Variants in MYO10 observed in about 807,000 individuals in gnomAD.
The protein encoded by MYO10 is unconventional myosin-X.
Under a neutral mutation model 257.3 loss-of-function variants are expected in MYO10, and 133 were observed. The ratio of observed to expected loss-of-function variants is 0.52; its 90% CI spans 0.45 to 0.60. The LOEUF (loss-of-function observed/expected upper bound fraction) is 0.60. MYO10 is among the 20% of genes least tolerant of loss of function. MYO10 has a pLI of 0.00. For missense variants in MYO10, 2,399 were observed against 2,635.7 expected (o/e 0.91, Z 1.97); for synonymous variants, 1,104 against 1,028.6 (o/e 1.07, Z -1.40).
chr5:16,754,355 G>T (rs1579952377), intron 19 of MYO10, among the ~76,000 whole-genome samples: 2 of 151,912 alleles, frequency 1.3e-5, no homozygotes, highest in African/African-American at 4.8e-5. Flanking sequence ...TTTCTAATTA[G>T]TTATAAACAA....
In MYO10 at chr5:16,701,460, TCTC is replaced by T. The variant is rs753008094; in HGVS notation, c.2932_2934del (p.Glu978del). ...GGCTGGCTGAAGTTGAAGTTGGGCT[TCTC>T]CTCGCATGCGCTCTCAGCCAGCTCG... On this transcript the variant is annotated inframe_deletion, in exon 25 of 41. Coordinates refer to ENST00000513610, the MANE Select transcript of MYO10 (RefSeq NM_012334.3). This position sits in a 1 kb window ranked among gnomAD's most constrained non-coding sequence, Gnocchi z 8.1. The T allele has an allele frequency of 3.7e-6, 6 of 1,613,798 alleles. No homozygotes were observed. Among genetic ancestry groups the T allele is most frequent in the South Asian group, 1.1e-5 (1 of 91,076 alleles).
chr5:16,672,155 C>T (rs1239895111), intron 37 of MYO10, among the ~76,000 whole-genome samples: 4 of 151,928 alleles, frequency 2.6e-5, no homozygotes, highest in South Asian at 4.2e-4. Flanking sequence ...ATTAGCTGGG[C>T]GTGGTAGTAC....
At chr5:16,686,574 G>C (rs1219377724) in intron 28 of MYO10, among the ~76,000 whole-genome samples, 1 of 151,312 alleles carries the variant, frequency 6.6e-6, no homozygotes, top group East Asian at 1.9e-4. Flanking sequence ...GTGTCTTCTT[G>C]CCCAAGCTGG....
intron 2 of MYO10, among the ~76,000 whole-genome samples, chr5:16,852,179 G>T (rs189605942): frequency 1.8e-3 from 268 of 148,774 alleles, no homozygotes; most frequent in African/African-American, 6.3e-3. Flanking sequence ...CCAGTAAAAA[G>T]ACTGTGTATA....
chr5:16,794,786 G>A lies in MYO10; in HGVS notation c.327C>T (p.Ile109=), dbSNP rs746798542. The A allele has an allele frequency of 2.1e-5, 34 of 1,600,100 alleles. No individual in the cohort carries two copies. The East Asian group carries it at 5.4e-4, about 26-fold the overall frequency. Residue 109 remains isoleucine, a synonymous_variant, in exon 4 of 41, where the codon ATC becomes ATT. Coordinates refer to ENST00000513610, the MANE Select transcript of MYO10 (RefSeq NM_012334.3). ...ILASVNPYQP[I]AGLYEPATME... ...TGGTGGCAGGCTCGTACAGCCCGGCGATGGGCTGGTAGGGGTTCACGGAGG... is the reference window on the plus strand; with the variant it reads ...TGGTGGCAGGCTCGTACAGCCCGGCAATGGGCTGGTAGGGGTTCACGGAGG...
chr5:16,815,836 A>C (rs1036329371), intron 3 of MYO10, among the ~76,000 whole-genome samples: 3 of 152,178 alleles, frequency 2.0e-5, no homozygotes, highest in East Asian at 1.9e-4. Flanking sequence ...CTCATGCAAA[A>C]CACAGAATGC....
In MYO10 at chr5:16,713,534, G is replaced by C. The variant is rs112099194; in HGVS notation, c.1930-2289C>G. 9.5e-5 allele frequency: 93 copies of C among 975,140 alleles called. 1 individual carries two copies. In the African/African-American group the frequency reaches 1.5e-3, roughly 16 times the overall value. The allele number at this position is 975,140 out of a possible 1,614,324, so 60.4% of individuals were successfully genotyped here. ...GGCTAATTAGTGTGGTGTGGTTGTA[G>C]GATTTGACACAGCCAGGGGAGGGGA... On this transcript the variant is annotated intron_variant, in intron 19 of 40. Coordinates refer to ENST00000513610, the MANE Select transcript of MYO10 (RefSeq NM_012334.3).
At chr5:16,787,879 C>T (rs990549649) in intron 4 of MYO10, among the ~76,000 whole-genome samples, 4 of 152,088 alleles carry the variant, frequency 2.6e-5, no homozygotes, top group African/African-American at 9.7e-5. Flanking sequence ...CTCACTGCAA[C>T]CACCACCTCC....
chr5:16,817,453 A>G (rs1204427159), intron 3 of MYO10, among the ~76,000 whole-genome samples: 2 of 152,212 alleles, frequency 1.3e-5, no homozygotes, highest in African/African-American at 2.4e-5. Flanking sequence ...CACATTTCAT[A>G]GAAGTTGAGA....
chr5:16,800,136 A>C (rs921516223), intron 3 of MYO10, among the ~76,000 whole-genome samples: 10 of 152,178 alleles, frequency 6.6e-5, no homozygotes, highest in Admixed American at 1.3e-4. Context: ...GTGGTTGCAC[A>C]CTTTTCCTAC....
intron 30 of MYO10, 103 bp from the exon 31 acceptor site, chr5:16,682,116 C>T (rs10064748): frequency 0.015 from 20,602 of 1,376,420 alleles, 579 homozygotes; most frequent in African/African-American, 0.12. Context: ...TTCTGGGTCA[C>T]GGGATATACA....
chr5:16,902,292 CCT>C, intron 1 of MYO10: 1 of 800,102 alleles, frequency 1.2e-6, no homozygotes, highest in South Asian at 1.3e-5. Flanking sequence ...GAACTCAGCT[CCT>C]TACATGGGCT....
At chr5:16,875,509 T>G (rs1744576208) in intron 2 of MYO10, among the ~76,000 whole-genome samples, 1 of 152,202 alleles carries the variant, frequency 6.6e-6, no homozygotes, top group Non-Finnish European at 1.5e-5. Flanking sequence ...GTTGGTGAAG[T>G]GTCCACACTG....
chr5:16,701,716 C>T lies in MYO10; in HGVS notation c.2679G>A (p.Leu893=). ...GCTGCAGGTCCTCGATTTCTTTCTC[C>T]AGACGGAGGATCTCTTCCACCTGCT... ...ENKQVEEILR[L]EKEIEDLQRM... The change falls in exon 25 of 41, where the codon CTG becomes CTA. Residue 893 remains leucine, a synonymous_variant. Transcript: ENST00000513610. This position sits in a 1 kb window ranked among gnomAD's most constrained non-coding sequence, Gnocchi z 8.1. 1 of 1,614,002 alleles carries T rather than the reference C, an allele frequency of 6.2e-7. No individual in the cohort carries two copies. Among genetic ancestry groups the T allele is most frequent in the Non-Finnish European group, 8.5e-7 (1 of 1,179,894 alleles).
chr5:16,712,521 G>A (rs956608683), intron 19 of MYO10, among the ~76,000 whole-genome samples: 1 of 152,122 alleles, frequency 6.6e-6, no homozygotes, highest in African/African-American at 2.4e-5. Flanking sequence ...TAGTGCCATA[G>A]GACCTAACTG....
intron 1 of MYO10, among the ~76,000 whole-genome samples, chr5:16,935,005 C>A (rs867693493): frequency 9.9e-5 from 15 of 152,124 alleles, no homozygotes; most frequent in South Asian, 6.2e-4. Flanking sequence ...TAAACACAAC[C>A]AAGAAAGGAA....
At chr5:16,741,496 T>A (rs1324627092) in intron 19 of MYO10, among the ~76,000 whole-genome samples, 1 of 152,142 alleles carries the variant, frequency 6.6e-6, no homozygotes, top group Non-Finnish European at 1.5e-5. Flanking sequence ...AAACCACCAA[T>A]TTCCCCCTTC....
At chr5:16,814,559 G>T (rs1380987091) in intron 3 of MYO10, 1 of 152,026 alleles carries the variant, frequency 6.6e-6, no homozygotes, top group Non-Finnish European at 1.5e-5. Context: ...CTCTTTTAAA[G>T]ATATAGACAG....
chr5:16,745,204 G>A (rs895674335), intron 19 of MYO10, among the ~76,000 whole-genome samples: 1 of 152,138 alleles, frequency 6.6e-6, no homozygotes, highest in East Asian at 1.9e-4. Context: ...GCTGGGAGTG[G>A]TGGCGGGTAT....
Sources: allele counts gnomAD v4.1 joint callset (sites outside exome capture counted in the v4.1 genomes callset), GRCh38; gene constraint gnomAD v4.1.1; non-coding constraint Gnocchi (gnomAD v3.1); transcripts MANE v1.5; gene names NCBI Gene and HGNC (gene_info 2026-07-23, HGNC 2026-07-21).